ATP8B4: variants seen among roughly 807,000 people sequenced by gnomAD.
The protein encoded by ATP8B4 is probable phospholipid-transporting ATPase IM.
ATP8B4 carries 133 observed loss-of-function variants against 145.6 expected under a neutral mutation model. The ratio of observed to expected loss-of-function variants is 0.91; its 90% CI spans 0.79 to 1.05. The LOEUF (loss-of-function observed/expected upper bound fraction) is 1.05, where lower values mean the gene tolerates loss of function less well. ATP8B4 is among the 50% of genes least tolerant of loss of function. ATP8B4 has a pLI of 0.00. For synonymous variants in ATP8B4, 507 were observed against 492.9 expected, an observed-to-expected ratio of 1.03 and a Z score of -0.38; for missense variants, 1,458 against 1,425.2, an observed-to-expected ratio of 1.02 and a Z score of -0.37.
intron 14 of ATP8B4, among the ~76,000 whole-genome samples, chr15:49,949,357 G>C (rs2042861867): frequency 6.6e-6 from 1 of 152,140 alleles, no homozygotes; most frequent in Non-Finnish European, 1.5e-5. Flanking sequence ...GCAGTGGTTT[G>C]TAGTTCTCCT....
chr15:49,938,218 A>ATAAAG (rs1296029783), intron 14 of ATP8B4, among the ~76,000 whole-genome samples: 21 of 152,272 alleles, frequency 1.4e-4, no homozygotes, highest in African/African-American at 4.8e-4. Context: ...GTGTAGAACT[A>ATAAAG]CCACACAATA....
rs1349185699 is a variant in ATP8B4 at position 50,101,247 on chromosome 15, G to GT, written c.28+5691dup. Among the ~76,000 whole-genome samples the GT allele has an allele frequency of 3.9e-5, 6 of 152,214 alleles. No homozygotes were observed. In the East Asian group the frequency reaches 1.2e-3, roughly 29 times the overall value. On this transcript the variant is annotated intron_variant, in intron 2 of 27. Coordinates refer to ENST00000284509, the MANE Select transcript of ATP8B4 (RefSeq NM_024837.4). ...ATTTCTCAGGTATGGTGATGATAAT[G>GT]TGGGTATGCAGGAGAATGTCCTTGT...
rs1438460341 is a variant in ATP8B4, at chr15:49,931,108, A to T, written c.1642+11T>A. 6.2e-7 allele frequency: 1 copy of T among 1,601,188 alleles called. No individual in the cohort carries two copies. Among genetic ancestry groups the T allele is most frequent in the Non-Finnish European group, 8.5e-7 (1 of 1,172,536 alleles). ...GAAAAGATCAAAAATAGTCTTAGCT[A>T]CCAACCATACCTATGACAGACATCC... On this transcript the variant is annotated intron_variant, in intron 16 of 27. Transcript: ENST00000284509.
chr15:49,998,013 A>G (rs2047567709), intron 8 of ATP8B4, among the ~76,000 whole-genome samples: 1 of 152,132 alleles, frequency 6.6e-6, no homozygotes, highest in African/African-American at 2.4e-5. Context: ...ATGTCCATCC[A>G]TTTAAACAAC....
rs765828087 is a variant in ATP8B4 at position 49,943,767 on chromosome 15, C to T, written c.1288-9585G>A. ...AGGATGCAAAACAGCAACATGATAGCGTGAAAAAATATGAAAGTCATTGGT... is the reference window on the plus strand; with the variant it reads ...AGGATGCAAAACAGCAACATGATAGTGTGAAAAAATATGAAAGTCATTGGT... On this transcript the variant is annotated intron_variant, in intron 14 of 27. Coordinates refer to ENST00000284509, the MANE Select transcript of ATP8B4 (RefSeq NM_024837.4). Among the ~76,000 whole-genome samples, 58 of 152,034 alleles carry T rather than the reference C, an allele frequency of 3.8e-4. 1 individual carries two copies. The Middle Eastern group carries it at 0.01, about 27-fold the overall frequency.
intron 10 of ATP8B4, among the ~76,000 whole-genome samples, chr15:49,987,033 T>G (rs2046668486): frequency 6.6e-6 from 1 of 152,204 alleles, no homozygotes; most frequent in Non-Finnish European, 1.5e-5. Context: ...CCAGGAGCTT[T>G]CTTTCATACT....
At chr15:49,929,150 A>G (rs2041016247) in intron 16 of ATP8B4, among the ~76,000 whole-genome samples, 2 of 152,114 alleles carry the variant, frequency 1.3e-5, no homozygotes, top group African/African-American at 4.8e-5. Flanking sequence ...GAAAAAAGTG[A>G]GTGAGCTATA....
chr15:50,098,373 C>T (rs991624830), intron 2 of ATP8B4, among the ~76,000 whole-genome samples: 1 of 139,150 alleles, frequency 7.2e-6, no homozygotes, highest in African/African-American at 2.7e-5. Flanking sequence ...CTCACTGCAA[C>T]CTTGACCTCC....
intron 6 of ATP8B4, among the ~76,000 whole-genome samples, chr15:50,016,215 T>G (rs1326811220): frequency 6.6e-6 from 1 of 152,214 alleles, no homozygotes; most frequent in African/African-American, 2.4e-5. Context: ...TTTCCTAAAC[T>G]GAAACCCTTG....
At chr15:50,055,091 A>AT (rs2052504180) in intron 3 of ATP8B4, among the ~76,000 whole-genome samples, 1 of 152,140 alleles carries the variant, frequency 6.6e-6, no homozygotes, top group Admixed American at 6.5e-5. Flanking sequence ...TCTCTTTTCT[A>AT]TTGCATTCCA....
At chr15:50,009,579 C>A (rs2153569509) in intron 7 of ATP8B4, 1 of 399,832 alleles carries the variant, frequency 2.5e-6, no homozygotes. Flanking sequence ...CCCAGTTCCC[C>A]ATCTAGTGCC....
chr15:49,919,012 T>C lies in ATP8B4; in HGVS notation c.1924-62A>G, dbSNP rs895470214. Reference sequence around the variant, plus strand: ...ATGCAAACAATATCTATAACATCTATGGATTTCACTCACAGATTCTGGAGG... The same window carrying C: ...ATGCAAACAATATCTATAACATCTACGGATTTCACTCACAGATTCTGGAGG... On this transcript the variant is annotated intron_variant, in intron 18 of 27. Transcript: ENST00000284509. The C allele has an allele frequency of 2.5e-5, 30 of 1,207,686 alleles. No individual in the cohort carries two copies. The African/African-American group carries it at 2.9e-4, about 12-fold the overall frequency. The allele number at this position is 1,207,686 out of a possible 1,614,324, so 74.8% of individuals were successfully genotyped here. A position where few individuals can be genotyped will look rare whatever the true frequency, so the allele number is the denominator to read the frequency against.
chr15:50,064,186 T>TA (rs898892856), intron 3 of ATP8B4, among the ~76,000 whole-genome samples: 10 of 151,998 alleles, frequency 6.6e-5, no homozygotes, highest in Admixed American at 5.2e-4. Flanking sequence ...TCCTTTTGTA[T>TA]AAAAAAAGCC....
chr15:49,990,371 T>C (rs902000182), intron 9 of ATP8B4, among the ~76,000 whole-genome samples: 1 of 152,182 alleles, frequency 6.6e-6, no homozygotes, highest in Non-Finnish European at 1.5e-5. Context: ...ACTGAATACA[T>C]GTTTGGAGCA....
intron 24 of ATP8B4, among the ~76,000 whole-genome samples, chr15:49,877,765 A>G (rs1342331381): frequency 3.3e-5 from 5 of 152,226 alleles, no homozygotes; most frequent in African/African-American, 1.2e-4. Flanking sequence ...TTAAACCAGT[A>G]TGTAAAGTAT....
At chr15:50,137,111 A>G (rs977310843) in intron 1 of ATP8B4, among the ~76,000 whole-genome samples, 2 of 152,160 alleles carry the variant, frequency 1.3e-5, no homozygotes, top group Admixed American at 6.5e-5. Flanking sequence ...CTTCTCAAAT[A>G]TATTAGTCAC....
At chr15:50,109,245 G>C (rs144702098) in intron 1 of ATP8B4, among the ~76,000 whole-genome samples, 2 of 152,170 alleles carry the variant, frequency 1.3e-5, no homozygotes, top group Non-Finnish European at 2.9e-5. Flanking sequence ...GGAGGCACTA[G>C]AGTTATAAAG....
At chr15:50,127,320 T>A (rs1484390481) in intron 1 of ATP8B4, among the ~76,000 whole-genome samples, 1 of 152,180 alleles carries the variant, frequency 6.6e-6, no homozygotes, top group Non-Finnish European at 1.5e-5. Context: ...AATCCCAGTG[T>A]TAGTATTTGG....
intron 1 of ATP8B4, among the ~76,000 whole-genome samples, chr15:50,170,622 T>A (rs1315284658): frequency 7.2e-6 from 1 of 138,118 alleles, no homozygotes; most frequent in Non-Finnish European, 1.6e-5. Flanking sequence ...AAACTACAAG[T>A]TAAAAAGCAA....
Sources: gnomAD v4.1 joint callset for allele counts (sites outside exome capture counted in the v4.1 genomes callset) on GRCh38, gnomAD v4.1.1 for gene constraint, MANE v1.5 for transcripts, NCBI Gene and HGNC (gene_info 2026-07-23, HGNC 2026-07-21) for gene names.